PAPPA2: variants seen among roughly 807,000 people sequenced by gnomAD.
PAPPA2 encodes the protein pappalysin 2.
PAPPA2 carries 86 observed loss-of-function variants against 176.4 expected under a neutral mutation model. That is an observed-to-expected ratio of 0.49 (90% CI 0.41 to 0.58). The LOEUF (loss-of-function observed/expected upper bound fraction) is 0.58. PAPPA2 is among the 20% of genes least tolerant of loss of function. The pLI is 0.00. For missense variants in PAPPA2, 2,073 were observed against 2,256.9 expected (o/e 0.92, Z 1.65); for synonymous variants, 809 against 852.2 (o/e 0.95, Z 0.88).
chr1:176,829,470 T>C (rs1218843737), intron 21 of PAPPA2, among the ~76,000 whole-genome samples: 1 of 152,176 alleles, frequency 6.6e-6, no homozygotes, highest in African/African-American at 2.4e-5. Context: ...CAGGCAGGGA[T>C]GAGCACGCAT....
rs112574312 is a variant in PAPPA2, at chr1:176,763,988, T to C, written c.4152-1678T>C. Among the ~76,000 whole-genome samples, 8 of 152,304 alleles carry C rather than the reference T, an allele frequency of 5.3e-5. 1 individual carries two copies. The highest frequency in any genetic ancestry group is 1.9e-4 in the African/African-American group (8 of 41,562). On this transcript the variant is annotated intron_variant, in intron 14 of 22. Transcript: ENST00000367662. ...CATGACGCTGGTGTATGCTCGGCTT[T>C]CTTGCTGTGTCATACATGGCAGAAG...
chr1:176,487,063 A>G (rs1652677661), intron 1 of PAPPA2, among the ~76,000 whole-genome samples: 1 of 152,238 alleles, frequency 6.6e-6, no homozygotes, highest in Non-Finnish European at 1.5e-5. Flanking sequence ...AGAGAGCTGA[A>G]AAGTCCTCTT....
chr1:176,469,972 G>T (rs150573917), intron 1 of PAPPA2, among the ~76,000 whole-genome samples: 1 of 152,328 alleles, frequency 6.6e-6, no homozygotes, highest in East Asian at 1.9e-4. Flanking sequence ...TGCAGAGGAA[G>T]CTGCCAACAA....
chr1:176,470,441 T>G (rs1016851274), intron 1 of PAPPA2, among the ~76,000 whole-genome samples: 3 of 152,122 alleles, frequency 2.0e-5, no homozygotes, highest in Non-Finnish European at 4.4e-5. Context: ...CCATCCACAT[T>G]TTTCACCTAG....
At chr1:176,605,689 C>T (rs1654569790) in intron 3 of PAPPA2, among the ~76,000 whole-genome samples, 1 of 152,190 alleles carries the variant, frequency 6.6e-6, no homozygotes, top group Non-Finnish European at 1.5e-5. Context: ...CCTAACTCAT[C>T]TTTACATGTT....
chr1:176,540,093 T>G (rs1462389427), intron 1 of PAPPA2, among the ~76,000 whole-genome samples: 1 of 152,210 alleles, frequency 6.6e-6, no homozygotes, highest in Non-Finnish European at 1.5e-5. Context: ...TTTCTTTTCC[T>G]CAATGGTCAA....
chr1:176,743,918 C>T (rs1288775146), intron 14 of PAPPA2, among the ~76,000 whole-genome samples: 1 of 152,152 alleles, frequency 6.6e-6, no homozygotes, highest in African/African-American at 2.4e-5. Context: ...AGATACAGAA[C>T]ATTATCTCCT....
intron 3 of PAPPA2, among the ~76,000 whole-genome samples, chr1:176,643,762 CA>C (rs1001196706): frequency 3.3e-4 from 50 of 151,974 alleles, no homozygotes; most frequent in African/African-American, 1.1e-3. Flanking sequence ...TATGATCACT[CA>C]GCCAACAAAC....
rs553514414 is a variant in PAPPA2, at chr1:176,518,760, G to A, written c.-916-36647G>A. 1.1e-4 allele frequency among the ~76,000 whole-genome samples: 16 copies of A among 152,294 alleles called. No individual in the cohort carries two copies. In the East Asian group the frequency reaches 2.7e-3, roughly 26 times the overall value. ...AATCATATCTTGGTCCCATCAGGCT[G>A]TGAGACTGCATTCCCAGAATGGACA... On this transcript the variant is annotated intron_variant, in intron 1 of 22. Coordinates refer to ENST00000367662, the MANE Select transcript of PAPPA2 (RefSeq NM_020318.3).
At chr1:176,526,858 G>T (rs1354248695) in intron 1 of PAPPA2, among the ~76,000 whole-genome samples, 1 of 152,218 alleles carries the variant, frequency 6.6e-6, no homozygotes, top group Non-Finnish European at 1.5e-5. Flanking sequence ...CTAAATGCTT[G>T]TCCCGCCAGA....
intron 1 of PAPPA2, among the ~76,000 whole-genome samples, chr1:176,523,770 T>G (rs1165318438): frequency 6.6e-6 from 1 of 152,162 alleles, no homozygotes; most frequent in African/African-American, 2.4e-5. Flanking sequence ...ACCTACCCCA[T>G]TTAGCAAAGT....
At position 176,549,991 on chromosome 1, in the gene PAPPA2, T is replaced by C. The variant is rs545667460; in HGVS notation, c.-916-5416T>C. ...GTAAGCCCCAAATCTCTTTGTGCTT[T>C]TTCTATTCAACTATTTCCCCAACCT... On this transcript the variant is annotated intron_variant, in intron 1 of 22. Coordinates refer to ENST00000367662, the MANE Select transcript of PAPPA2 (RefSeq NM_020318.3). Among the ~76,000 whole-genome samples the C allele has an allele frequency of 3.3e-5, 5 of 152,358 alleles. No individual in the cohort carries two copies. In the South Asian group the frequency reaches 1.0e-3, roughly 32 times the overall value.
Position 176,807,204 on chromosome 1 carries a change from A to C in PAPPA2, c.5202+7072A>C, listed in dbSNP as rs1665942432. ...AATGCTGAATCACTTCTGTTACTCA[A>C]AGCACAAGGATACTTCTCCCCACTA... On this transcript the variant is annotated intron_variant, in intron 21 of 22. Transcript: ENST00000367662. Among the ~76,000 whole-genome samples, 6 of 152,304 alleles carry C rather than the reference A, an allele frequency of 3.9e-5. No homozygotes were observed. The South Asian group carries it at 1.2e-3, about 32-fold the overall frequency.
chr1:176,842,483 C>A lies in PAPPA2; in HGVS notation c.*29C>A, dbSNP rs142266262. On this transcript the variant is annotated 3_prime_UTR_variant, in exon 23 of 23. Coordinates refer to ENST00000367662, the MANE Select transcript of PAPPA2 (RefSeq NM_020318.3). The stretch of plus-strand genomic sequence containing the variant: ...TGGGAACAAGCCCCTCCCTCCACTG[C>A]CTCAGAGGCAGTAAGAAAGAGAGGC... 2.4e-5 allele frequency: 38 copies of A among 1,594,972 alleles called. No individual in the cohort carries two copies. In the East Asian group the frequency reaches 7.8e-4, roughly 33 times the overall value.
chr1:176,627,638 C>T (rs1656105995), intron 3 of PAPPA2, among the ~76,000 whole-genome samples: 1 of 152,112 alleles, frequency 6.6e-6, no homozygotes, highest in South Asian at 2.1e-4. Context: ...TTATCCTTCC[C>T]TATAAGAAAA....
intron 14 of PAPPA2, among the ~76,000 whole-genome samples, chr1:176,754,992 G>T (rs552109991): frequency 3.0e-4 from 45 of 152,252 alleles, no homozygotes; most frequent in Admixed American, 2.8e-3. Context: ...TAGTCTCACA[G>T]CATGATTTTA....
intron 2 of PAPPA2, among the ~76,000 whole-genome samples, chr1:176,574,562 G>A (rs1652539235): frequency 6.6e-6 from 1 of 152,152 alleles, no homozygotes; most frequent in African/African-American, 2.4e-5. Flanking sequence ...CTAGATCAAG[G>A]CTTAGAGAGT....
At chr1:176,579,418 C>G (rs1024689072) in intron 2 of PAPPA2, among the ~76,000 whole-genome samples, 1 of 152,140 alleles carries the variant, frequency 6.6e-6, no homozygotes, top group Non-Finnish European at 1.5e-5. Context: ...CAGGGCCACC[C>G]AGAAATTTTA....
intron 14 of PAPPA2, among the ~76,000 whole-genome samples, chr1:176,762,009 C>G (rs762755209): frequency 6.6e-6 from 1 of 152,164 alleles, no homozygotes; most frequent in Non-Finnish European, 1.5e-5. Flanking sequence ...ACAACAATCT[C>G]ACTCAGAGAA....
Sources: gnomAD v4.1 joint callset for allele counts (sites outside exome capture counted in the v4.1 genomes callset) on GRCh38, gnomAD v4.1.1 for gene constraint, MANE v1.5 for transcripts, NCBI Gene and HGNC (gene_info 2026-07-23, HGNC 2026-07-21) for gene names.